The following TSPAN5 variants were observed in gnomAD, a reference collection of about 807,000 sequenced individuals.
TSPAN5 encodes tetraspanin 5.
A neutral mutation model predicts 37.1 loss-of-function variants in TSPAN5; 10 were observed. The ratio of observed to expected loss-of-function variants is 0.27; its 90% CI spans 0.17 to 0.46. The LOEUF is 0.46. TSPAN5 is among the 20% of genes least tolerant of loss of function. The pLI, the probability that TSPAN5 is intolerant of heterozygous loss-of-function variation, is 1.00. For synonymous variants in TSPAN5, 110 were observed against 118.9 expected (o/e 0.93, Z 0.48); for missense variants, 195 against 326.6 (o/e 0.60, Z 3.11).
intron 1 of TSPAN5, among the ~76,000 whole-genome samples, chr4:98,599,277 A>C (rs2110218110): frequency 6.6e-6 from 1 of 152,260 alleles, no homozygotes; most frequent in South Asian, 2.1e-4. Context: ...AGTAGGTAAG[A>C]CTACGTGCAC....
chr4:98,514,458 G>A (rs1753686070), intron 1 of TSPAN5, among the ~76,000 whole-genome samples: 1 of 152,190 alleles, frequency 6.6e-6, no homozygotes, highest in Non-Finnish European at 1.5e-5. Context: ...GTAACTGTGG[G>A]CTGGTGGAAA....
intron 1 of TSPAN5, among the ~76,000 whole-genome samples, chr4:98,553,165 A>T (rs1754660673): frequency 6.6e-6 from 1 of 152,242 alleles, no homozygotes; most frequent in African/African-American, 2.4e-5. Context: ...TTAGCAAAAC[A>T]TTGTTAGATA....
At chr4:98,552,169 C>T (rs1019397740) in intron 1 of TSPAN5, among the ~76,000 whole-genome samples, 2 of 152,110 alleles carry the variant, frequency 1.3e-5, no homozygotes, top group African/African-American at 4.8e-5. Context: ...TCATTTCACT[C>T]ATCCTTTGTA....
At chr4:98,547,277 C>T (rs1007987337) in intron 1 of TSPAN5, among the ~76,000 whole-genome samples, 1 of 152,156 alleles carries the variant, frequency 6.6e-6, no homozygotes, top group African/African-American at 2.4e-5. Context: ...TCATAAATTG[C>T]TTATGAGAGC....
chr4:98,594,014 G>A (rs1238673250), intron 1 of TSPAN5, among the ~76,000 whole-genome samples: 1 of 74,586 alleles, frequency 1.3e-5, no homozygotes, highest in Non-Finnish European at 2.4e-5. Context: ...CATTGAATCT[G>A]TAAATTACCT....
At chr4:98,612,867 C>T (rs1470978505) in intron 1 of TSPAN5, among the ~76,000 whole-genome samples, 1 of 152,236 alleles carries the variant, frequency 6.6e-6, no homozygotes, top group Non-Finnish European at 1.5e-5. Context: ...TTTTCAGCTG[C>T]GGTCTCACTT....
chr4:98,473,766 G>A (rs965226635), intron 7 of TSPAN5, among the ~76,000 whole-genome samples: 3 of 151,996 alleles, frequency 2.0e-5, no homozygotes, highest in Non-Finnish European at 2.9e-5. Flanking sequence ...TCCTCTGCCC[G>A]TATTTTTGTT....
chr4:98,545,846 A>G (rs1461096664), intron 1 of TSPAN5, among the ~76,000 whole-genome samples: 2 of 152,144 alleles, frequency 1.3e-5, no homozygotes, highest in Admixed American at 6.6e-5. Flanking sequence ...TATTCTTAAT[A>G]GGCTCAACAT....
intron 1 of TSPAN5, among the ~76,000 whole-genome samples, chr4:98,633,781 T>TA (rs925790408): frequency 7.9e-5 from 12 of 152,092 alleles, no homozygotes; most frequent in Non-Finnish European, 1.8e-4. Context: ...CTCATGTACT[T>TA]AAAAGTGATC....
intron 1 of TSPAN5, among the ~76,000 whole-genome samples, chr4:98,621,604 G>A (rs1459721209): frequency 1.3e-5 from 2 of 151,878 alleles, no homozygotes; most frequent in East Asian, 1.9e-4. Context: ...TCCTGACCTC[G>A]TGATCCGCCC....
intron 1 of TSPAN5, among the ~76,000 whole-genome samples, chr4:98,652,553 A>C (rs1295273803): frequency 2.0e-5 from 3 of 152,254 alleles, no homozygotes; most frequent in African/African-American, 7.2e-5. Context: ...ATCTTCTAAA[A>C]TAAGTCTCCA....
intron 1 of TSPAN5, among the ~76,000 whole-genome samples, chr4:98,587,409 C>T (rs562422111): frequency 6.6e-6 from 1 of 152,272 alleles, no homozygotes; most frequent in East Asian, 1.9e-4. Flanking sequence ...TGTCTCATAC[C>T]TTCCAAAGAA....
intron 3 of TSPAN5, chr4:98,484,273 A>G: frequency 2.7e-6 from 1 of 366,718 alleles, no homozygotes; most frequent in Non-Finnish European, 5.3e-6. Flanking sequence ...CGGTCAACCA[A>G]GAAGGTCTAT....
chr4:98,537,233 G>C (rs1367685625), intron 1 of TSPAN5, among the ~76,000 whole-genome samples: 1 of 152,146 alleles, frequency 6.6e-6, no homozygotes, highest in African/African-American at 2.4e-5. Context: ...GGCTTCCTTT[G>C]GCTAGAGGAC....
chr4:98,587,207 T>C (rs1038838593), intron 1 of TSPAN5, among the ~76,000 whole-genome samples: 22 of 152,162 alleles, frequency 1.4e-4, no homozygotes, highest in African/African-American at 5.3e-4. Context: ...AGATAGATGC[T>C]CTGGGGGACA....
At chr4:98,531,205 T>C (rs1754076968) in intron 1 of TSPAN5, among the ~76,000 whole-genome samples, 2 of 152,318 alleles carry the variant, frequency 1.3e-5, no homozygotes, top group Non-Finnish European at 2.9e-5. Flanking sequence ...TTTCTCCTAA[T>C]GCTATCCCTC....
At chr4:98,638,673 T>C (rs1466437667) in intron 1 of TSPAN5, among the ~76,000 whole-genome samples, 1 of 152,196 alleles carries the variant, frequency 6.6e-6, no homozygotes, top group Non-Finnish European at 1.5e-5. Context: ...AACCTCCACA[T>C]GTTCAGCTCA....
intron 1 of TSPAN5, among the ~76,000 whole-genome samples, chr4:98,626,921 TC>T: frequency 6.6e-6 from 1 of 150,932 alleles, no homozygotes; most frequent in East Asian, 1.9e-4. Context: ...TCTGCTTTGT[TC>T]TTAAATGTAT....
chr4:98,563,354 AT>A (rs1454028900), intron 1 of TSPAN5, among the ~76,000 whole-genome samples: 3 of 152,182 alleles, frequency 2.0e-5, no homozygotes, highest in Admixed American at 1.3e-4. Flanking sequence ...CATCCTCTAC[AT>A]TTAAGATCTC....
Sources: allele counts gnomAD v4.1 joint callset (sites outside exome capture counted in the v4.1 genomes callset), GRCh38; gene constraint gnomAD v4.1.1; transcripts MANE v1.5; gene names NCBI Gene and HGNC (gene_info 2026-07-23, HGNC 2026-07-21).